Variants in KLHL4 observed in about 807,000 individuals in gnomAD.
The protein encoded by KLHL4 is kelch-like protein 4.
Under a neutral mutation model 45.8 loss-of-function variants are expected in KLHL4, and 17 were observed. The ratio of observed to expected loss-of-function variants is 0.37; its 90% CI spans 0.25 to 0.56. KLHL4 has a LOEUF of 0.56. KLHL4 is among the 20% of genes least tolerant of loss of function. KLHL4 has a pLI of 0.79. For synonymous variants in KLHL4, 224 were observed against 189.9 expected (o/e 1.18, Z -1.47); for missense variants, 544 against 544.9 (o/e 1.00, Z 0.02).
intron 9 of KLHL4, among the ~76,000 whole-genome samples, chrX:87,646,469 G>A (rs1038351881): frequency 6.3e-5 from 7 of 111,604 alleles, no homozygotes; most frequent in African/African-American, 2.3e-4. Flanking sequence ...AAATCTAGAG[G>A]CATTACATTA....
chrX:87,578,719 T>G (rs1921173667), intron 1 of KLHL4, among the ~76,000 whole-genome samples: 1 of 111,369 alleles, frequency 9.0e-6, no homozygotes, highest in African/African-American at 3.2e-5. Flanking sequence ...GAGCATTAAG[T>G]ATGTCTCCAA....
intron 1 of KLHL4, among the ~76,000 whole-genome samples, chrX:87,543,055 T>G (rs1161918861): frequency 1.8e-5 from 2 of 111,048 alleles, no homozygotes; most frequent in Non-Finnish European, 3.8e-5. Context: ...CAGTTTCCCC[T>G]GCATTCTCTC....
At chrX:87,522,187 G>T (rs1192849776) in intron 1 of KLHL4, among the ~76,000 whole-genome samples, 4 of 111,841 alleles carry the variant, frequency 3.6e-5, no homozygotes, top group Non-Finnish European at 1.9e-5. Context: ...CAGAAAATGA[G>T]ATATGTGGGT....
At chrX:87,658,742 C>T (rs991765426) in intron 9 of KLHL4, among the ~76,000 whole-genome samples, 11 of 111,381 alleles carry the variant, frequency 9.9e-5, no homozygotes, top group South Asian at 3.8e-4. Context: ...TGAATCTCTA[C>T]GCACTATTTT....
At chrX:87,538,854 C>T (rs1271835615) in intron 1 of KLHL4, among the ~76,000 whole-genome samples, 1 of 111,659 alleles carries the variant, frequency 9.0e-6, no homozygotes, top group African/African-American at 3.2e-5. Context: ...CAAAGCTGAA[C>T]TTAATCTTAT....
intron 1 of KLHL4, among the ~76,000 whole-genome samples, chrX:87,551,169 A>G (rs1931806870): frequency 9.0e-6 from 1 of 111,355 alleles, no homozygotes; most frequent in Non-Finnish European, 1.9e-5. Context: ...AAGTTTCCAG[A>G]TACAAGATTA....
At chrX:87,553,420 G>A (rs1931882358) in intron 1 of KLHL4, among the ~76,000 whole-genome samples, 1 of 109,799 alleles carries the variant, frequency 9.1e-6, no homozygotes, top group Non-Finnish European at 1.9e-5. Flanking sequence ...TTATACCATT[G>A]CCTGATCAAA....
At chrX:87,633,338 G>A (rs193058477) in intron 7 of KLHL4, among the ~76,000 whole-genome samples, 1 of 111,986 alleles carries the variant, frequency 8.9e-6, no homozygotes, top group South Asian at 3.7e-4. Context: ...AAACACCAGA[G>A]GTTATAAAGA....
At chrX:87,581,146 A>T (rs1255113546) in intron 1 of KLHL4, among the ~76,000 whole-genome samples, 1 of 112,082 alleles carries the variant, frequency 8.9e-6, no homozygotes, top group Non-Finnish European at 1.9e-5. Flanking sequence ...ACTTCTTGTG[A>T]TAAGGGTTTT....
rs1198589849 is a variant in KLHL4, at chrX:87,669,543, G to A, written c.*3009G>A. The A allele has an allele frequency of 1.5e-6, 1 of 650,970 alleles. No homozygotes were observed. 53.6% of individuals were successfully genotyped at this position (650,970 alleles called of 1,213,427 possible). A position where few individuals can be genotyped will look rare whatever the true frequency, so the allele number is the denominator to read the frequency against. ...TAGAAAAAAAAACCCTGTGACTCTG[G>A]ATTTTATTTTAAGTTCTCTAACAAG... On this transcript the variant is annotated 3_prime_UTR_variant, in exon 11 of 11. Coordinates refer to ENST00000373119, the MANE Select transcript of KLHL4 (RefSeq NM_019117.5).
rs190595829 is a variant in KLHL4 at position 87,611,775 on chromosome X, G to A, written c.423-2102G>A. Among the ~76,000 whole-genome samples the A allele has an allele frequency of 1.2e-4, 13 of 110,239 alleles. No individual in the cohort carries two copies. The East Asian group carries it at 3.7e-3, about 31-fold the overall frequency. ...AAAACAACCTCAGGCATGTCCTTCA[G>A]GAGGCATTCCAGAAGAAGGCAGAGA... On this transcript the variant is annotated intron_variant, in intron 1 of 10. Transcript: ENST00000373119.
intron 1 of KLHL4, among the ~76,000 whole-genome samples, chrX:87,519,168 T>C (rs1283567759): frequency 1.8e-5 from 2 of 112,063 alleles, no homozygotes; most frequent in Non-Finnish European, 3.8e-5. Context: ...CAGACATTTT[T>C]ATAGTCCCAA....
At chrX:87,573,161 T>G (rs1383140283) in intron 1 of KLHL4, among the ~76,000 whole-genome samples, 1 of 111,483 alleles carries the variant, frequency 9.0e-6, no homozygotes, top group Non-Finnish European at 1.9e-5. Flanking sequence ...CCAGTGGGCT[T>G]TAAACGACAA....
chrX:87,559,152 A>C (rs1018476196), intron 1 of KLHL4, among the ~76,000 whole-genome samples: 5 of 112,144 alleles, frequency 4.5e-5, no homozygotes, highest in African/African-American at 1.6e-4. Context: ...GGTCGCAATA[A>C]AACCACATTT....
intron 4 of KLHL4, among the ~76,000 whole-genome samples, chrX:87,621,533 A>AAT (rs1922750893): frequency 9.2e-6 from 1 of 108,687 alleles, no homozygotes; most frequent in South Asian, 3.8e-4. Flanking sequence ...TAAAAAAAAA[A>AAT]ATACGAAAAT....
chrX:87,576,225 G>A (rs1049556822), intron 1 of KLHL4, among the ~76,000 whole-genome samples: 3 of 111,457 alleles, frequency 2.7e-5, no homozygotes, highest in Non-Finnish European at 3.8e-5. Flanking sequence ...GCCAAAAAGA[G>A]AAATAATTGT....
chrX:87,554,274 T>C (rs6521943), intron 1 of KLHL4, among the ~76,000 whole-genome samples: 7,775 of 79,929 alleles, frequency 0.097, 771 homozygotes, highest in East Asian at 0.31. Context: ...GGTAGCTTGA[T>C]GGTGATGGCA....
intron 6 of KLHL4, among the ~76,000 whole-genome samples, chrX:87,627,206 A>G (rs1454133669): frequency 1.8e-5 from 2 of 111,570 alleles, no homozygotes; most frequent in Non-Finnish European, 3.8e-5. Context: ...TTTATCAAGC[A>G]TCTAGGTAAC....
rs753792590 is a variant in KLHL4, at chrX:87,614,406, A to C, written c.591-28A>C. 8.4e-6 allele frequency: 10 copies of C among 1,188,687 alleles called. No individual in the cohort carries two copies. In the Admixed American group the frequency reaches 1.1e-4, roughly 13 times the overall value. ...TTCAGTGAAATTATTGACTCATTTA[A>C]ATTCCTACAAATATTTCCTATTTCC... On this transcript the variant is annotated intron_variant, in intron 2 of 10. Transcript: ENST00000373119.
Sources: gnomAD v4.1 joint callset for allele counts (sites outside exome capture counted in the v4.1 genomes callset) on GRCh38, gnomAD v4.1.1 for gene constraint, MANE v1.5 for transcripts, NCBI Gene and HGNC (gene_info 2026-07-23, HGNC 2026-07-21) for gene names.